The following ACVR1 variants were observed in gnomAD, a reference collection of about 807,000 sequenced individuals.
The protein encoded by ACVR1 is activin receptor type-1.
Under a neutral mutation model 57.1 loss-of-function variants are expected in ACVR1, and 38 were observed. That is an observed-to-expected ratio of 0.67 (90% CI 0.51 to 0.87). The LOEUF is 0.87. Among genes scored for constraint, ACVR1 ranks in the 40% least tolerant of loss-of-function variants. ACVR1 has a pLI of 0.00. For missense variants in ACVR1, 463 were observed against 638.2 expected, an observed-to-expected ratio of 0.73 and a Z score of 2.96; for synonymous variants, 212 against 228.1, an observed-to-expected ratio of 0.93 and a Z score of 0.63.
chr2:157,770,532 TA>T lies in ACVR1; in HGVS notation c.644-19del, dbSNP rs1686033208. The T allele has an allele frequency of 3.1e-6, 5 of 1,613,742 alleles. No homozygotes were observed. The highest frequency in any genetic ancestry group is 3.4e-6 in the Non-Finnish European group (4 of 1,179,812). On this transcript the variant is annotated intron_variant, in intron 6 of 10. Transcript: ENST00000434821. ...GCCTTTCCCTATGAAAAGCAAAACA[TA>T]GGTGACACAGAACAGTAGTCATTTT...
intron 1 of ACVR1, among the ~76,000 whole-genome samples, chr2:157,842,776 A>T (rs1183781520): frequency 6.6e-6 from 1 of 152,178 alleles, no homozygotes; most frequent in Non-Finnish European, 1.5e-5. Flanking sequence ...AATCTGCTAC[A>T]CAGAGGAATT....
At chr2:157,821,928 A>T (rs954368376) in intron 1 of ACVR1, among the ~76,000 whole-genome samples, 1 of 152,238 alleles carries the variant, frequency 6.6e-6, no homozygotes, top group Admixed American at 6.5e-5. Flanking sequence ...AAAGCACTTA[A>T]AATCAAACAA....
At position 157,778,143 on chromosome 2, in the gene ACVR1, G is replaced by A. The variant is rs1211220002; in HGVS notation, c.531C>T (p.Asp177=). 1 of 1,613,686 alleles carries A rather than the reference G, an allele frequency of 6.2e-7. No individual in the cohort carries two copies. The highest frequency in any genetic ancestry group is 1.1e-5 in the South Asian group (1 of 91,044). ...GGTCATGACTTACTGCTAAAGTGCT[G>A]TCTCCAACATTGGTGGTGATGAGCC... The part of the protein sequence containing the change: ...IEGLITTNVG[D]STLADLLDHS... Residue 177 remains aspartate, a synonymous_variant, in exon 5 of 11, where the codon GAC becomes GAT. Coordinates refer to ENST00000434821, the MANE Select transcript of ACVR1 (RefSeq NM_001111067.4).
At chr2:157,753,514 C>T (rs987741888) in intron 9 of ACVR1, among the ~76,000 whole-genome samples, 13 of 151,786 alleles carry the variant, frequency 8.6e-5, no homozygotes, top group African/African-American at 2.4e-4. Flanking sequence ...GGCGACAGAG[C>T]GAGAATCCAT....
At chr2:157,760,537 T>G (rs892532998) in intron 9 of ACVR1, among the ~76,000 whole-genome samples, 1 of 152,196 alleles carries the variant, frequency 6.6e-6, no homozygotes, top group Non-Finnish European at 1.5e-5. Flanking sequence ...ACATATTACA[T>G]ACATTTATCA....
Position 157,737,389 on chromosome 2 carries a change from G to T in ACVR1, c.*142C>A, listed in dbSNP as rs1684573887. 1 of 1,091,460 alleles carries T rather than the reference G, an allele frequency of 9.2e-7. No individual in the cohort carries two copies. Among genetic ancestry groups the T allele is most frequent in the Non-Finnish European group, 1.3e-6 (1 of 741,150 alleles). 67.6% of individuals were successfully genotyped at this position (1,091,460 alleles called of 1,614,324 possible). On this transcript the variant is annotated 3_prime_UTR_variant, in exon 11 of 11. Transcript: ENST00000434821. Reference sequence around the variant, plus strand: ...TTGATGTCTCCCCAACACATGGCTGGGTACGACGTCTGCCTTGTCAAAGCA... The same window carrying T: ...TTGATGTCTCCCCAACACATGGCTGTGTACGACGTCTGCCTTGTCAAAGCA...
At chr2:157,751,479 C>T (rs984825389) in intron 9 of ACVR1, among the ~76,000 whole-genome samples, 1 of 152,188 alleles carries the variant, frequency 6.6e-6, no homozygotes, top group Non-Finnish European at 1.5e-5. Flanking sequence ...GGCAGGAATC[C>T]GGTGTCCAGA....
chr2:157,802,875 G>A (rs1687377882), intron 2 of ACVR1, among the ~76,000 whole-genome samples: 1 of 152,012 alleles, frequency 6.6e-6, no homozygotes, highest in African/African-American at 2.4e-5. Flanking sequence ...GAGCCAAGTA[G>A]GTGCACATTT....
intron 1 of ACVR1, among the ~76,000 whole-genome samples, chr2:157,870,052 A>T (rs1029485891): frequency 3.3e-5 from 5 of 152,226 alleles, no homozygotes; most frequent in Non-Finnish European, 7.3e-5. Flanking sequence ...ACACTCATCA[A>T]TAGCTGCAAT....
At chr2:157,792,079 G>A (rs776659881) in intron 3 of ACVR1, among the ~76,000 whole-genome samples, 2 of 151,496 alleles carry the variant, frequency 1.3e-5, no homozygotes, top group Non-Finnish European at 2.9e-5. Flanking sequence ...GAAATAAAAC[G>A]AAGGAGTCAT....
At chr2:157,842,253 CAT>C (rs1689007018) in intron 1 of ACVR1, among the ~76,000 whole-genome samples, 1 of 152,154 alleles carries the variant, frequency 6.6e-6, no homozygotes, top group South Asian at 2.1e-4. Flanking sequence ...GATGTTCTAA[CAT>C]GTGGATGGAT....
intron 3 of ACVR1, among the ~76,000 whole-genome samples, chr2:157,799,014 A>G (rs1417740710): frequency 6.6e-6 from 1 of 151,970 alleles, no homozygotes; most frequent in African/African-American, 2.4e-5. Context: ...CTCCTGCCTC[A>G]GCCTCCCAAG....
chr2:157,790,062 T>C (rs1686853228), intron 3 of ACVR1: 1 of 152,430 alleles, frequency 6.6e-6, no homozygotes, highest in African/African-American at 2.4e-5. Flanking sequence ...GCTTTTTTTT[T>C]CTTCCTTTTA....
intron 10 of ACVR1, among the ~76,000 whole-genome samples, chr2:157,737,888 CA>C (rs1430121089): frequency 6.6e-6 from 1 of 152,088 alleles, no homozygotes; most frequent in Non-Finnish European, 1.5e-5. Flanking sequence ...TTAATGCTAC[CA>C]ATTTATTAGG....
intron 8 of ACVR1, among the ~76,000 whole-genome samples, chr2:157,764,362 T>TC (rs1685782037): frequency 6.8e-6 from 1 of 147,394 alleles, no homozygotes; most frequent in Non-Finnish European, 1.5e-5. Flanking sequence ...TTATTATTTT[T>TC]CTTTTTTTTT....
intron 3 of ACVR1, among the ~76,000 whole-genome samples, chr2:157,796,128 A>C (rs1687107963): frequency 6.6e-6 from 1 of 150,886 alleles, no homozygotes; most frequent in Admixed American, 6.6e-5. Context: ...AGGCTGAGAC[A>C]GGAGGAATGC....
intron 1 of ACVR1, among the ~76,000 whole-genome samples, chr2:157,855,308 G>GTATATATA (rs1200907209): frequency 8.7e-4 from 45 of 51,646 alleles, no homozygotes; most frequent in East Asian, 7.1e-3. Context: ...GTGTGTGTGT[G>GTATATATA]TATATATATA....
intron 3 of ACVR1, among the ~76,000 whole-genome samples, chr2:157,792,135 GT>G (rs74615527): frequency 3.1e-4 from 46 of 146,166 alleles, no homozygotes; most frequent in Middle Eastern, 3.5e-3. Context: ...ATACTGGCAG[GT>G]TTTTTTTTTT....
intron 3 of ACVR1, among the ~76,000 whole-genome samples, chr2:157,794,599 G>T (rs1020014863): frequency 6.6e-6 from 1 of 152,108 alleles, no homozygotes; most frequent in Non-Finnish European, 1.5e-5. Context: ...GATGCCTTTT[G>T]TTGGCTGTGT....
Sources: gnomAD v4.1 joint callset for allele counts (sites outside exome capture counted in the v4.1 genomes callset) on GRCh38, gnomAD v4.1.1 for gene constraint, MANE v1.5 for transcripts, NCBI Gene and HGNC (gene_info 2026-07-23, HGNC 2026-07-21) for gene names.